LRRC37A2: variants seen among roughly 807,000 people sequenced by gnomAD.
LRRC37A2 encodes leucine-rich repeat-containing protein 37A2.
In LRRC37A2, 9 loss-of-function variants were observed where a neutral mutation model predicts 68.8. The ratio of observed to expected loss-of-function variants is 0.13; its 90% CI spans 0.08 to 0.23. The LOEUF (loss-of-function observed/expected upper bound fraction) is 0.23. Ranked by LOEUF, LRRC37A2 falls within the 10% of genes least tolerant of loss-of-function variation. The pLI is 1.00. For synonymous variants in LRRC37A2, 63 were observed against 367.6 expected (o/e 0.17, Z 9.48); for missense variants, 168 against 950.4 (o/e 0.18, Z 10.82).
the LRRC37A2 span, among the ~76,000 whole-genome samples, chr17:46,843,783 C>T: frequency 6.6e-6 from 1 of 152,196 alleles, no homozygotes; most frequent in Non-Finnish European, 1.5e-5. Context: ...AACTAGTTTA[C>T]ACTTATATAG....
chr17:46,597,786 CT>C, the LRRC37A2 span, among the ~76,000 whole-genome samples: 1 of 118,682 alleles, frequency 8.4e-6, no homozygotes, highest in Non-Finnish European at 1.7e-5. Flanking sequence ...TGTTGCAATA[CT>C]CTTTTTTTTT....
chr17:46,885,037 G>A, the LRRC37A2 span: 3 of 439,076 alleles, frequency 6.8e-6, no homozygotes, highest in Non-Finnish European at 1.4e-5. Flanking sequence ...TGCGCAGGTT[G>A]GAGTGCAGTG....
the LRRC37A2 span, chr17:46,979,084 A>T: frequency 1.1e-5 from 14 of 1,291,506 alleles, no homozygotes; most frequent in African/African-American, 1.6e-5. Flanking sequence ...GCTCTCAGGG[A>T]CGCTCCGGAC....
chr17:46,992,551 TGTA>T, the LRRC37A2 span, among the ~76,000 whole-genome samples: 1 of 152,004 alleles, frequency 6.6e-6, no homozygotes, highest in African/African-American at 2.4e-5. Flanking sequence ...GTGCCACTGT[TGTA>T]GAAGAATATT....
the LRRC37A2 span, among the ~76,000 whole-genome samples, chr17:46,846,793 G>T: frequency 1.3e-5 from 2 of 152,238 alleles, no homozygotes; most frequent in Non-Finnish European, 2.9e-5. Context: ...AGAAGAGGGA[G>T]GGAGGGAGGA....
the LRRC37A2 span, among the ~76,000 whole-genome samples, chr17:46,823,413 A>G: frequency 6.6e-6 from 1 of 150,392 alleles, no homozygotes; most frequent in Non-Finnish European, 1.5e-5. Flanking sequence ...ACAGGGTTTC[A>G]CCGTGTTGGC....
At chr17:46,774,466 C>T in the LRRC37A2 span, among the ~76,000 whole-genome samples, 1 of 152,272 alleles carries the variant, frequency 6.6e-6, no homozygotes, top group Non-Finnish European at 1.5e-5. Flanking sequence ...TGCTGGCTTG[C>T]ACCAAGTCCT....
chr17:46,810,386 G>C, the LRRC37A2 span, among the ~76,000 whole-genome samples: 1 of 152,178 alleles, frequency 6.6e-6, no homozygotes, highest in South Asian at 2.1e-4. Context: ...GTGTCCTCAG[G>C]AAGGAGTCCT....
the LRRC37A2 span, among the ~76,000 whole-genome samples, chr17:46,959,093 T>C: frequency 6.6e-6 from 1 of 152,142 alleles, no homozygotes; most frequent in Non-Finnish European, 1.5e-5. Context: ...TGAGAGTCAG[T>C]ACAAAGACTG....
chr17:46,863,843 C>A, the LRRC37A2 span, among the ~76,000 whole-genome samples: 2 of 152,140 alleles, frequency 1.3e-5, no homozygotes, highest in Non-Finnish European at 2.9e-5. Context: ...CCAAGGGAGC[C>A]GCTCACAACT....
the LRRC37A2 span, among the ~76,000 whole-genome samples, chr17:46,960,424 C>G: frequency 1.3e-5 from 2 of 152,186 alleles, no homozygotes. Context: ...ATGGAACAGC[C>G]ACTATGAAAA....
chr17:46,944,202 G>T, the LRRC37A2 span, among the ~76,000 whole-genome samples: 1 of 152,248 alleles, frequency 6.6e-6, no homozygotes, highest in East Asian at 1.9e-4. Flanking sequence ...TCCAGTGCCA[G>T]TGTTAGCTGT....
the LRRC37A2 span, among the ~76,000 whole-genome samples, chr17:46,456,231 T>TGTGC: frequency 2.6e-5 from 3 of 114,062 alleles, no homozygotes; most frequent in African/African-American, 9.2e-5. Context: ...TGTGTGTGTG[T>TGTGC]GTGTGTGTGT....
At chr17:46,843,809 C>T in the LRRC37A2 span, among the ~76,000 whole-genome samples, 797 of 152,312 alleles carry the variant, frequency 5.2e-3, 13 homozygotes, top group African/African-American at 0.018. Flanking sequence ...TCAGAATGCT[C>T]TCTGTATTTA....
the LRRC37A2 span, among the ~76,000 whole-genome samples, chr17:46,583,994 T>TAA: frequency 7.9e-5 from 1 of 12,726 alleles, no homozygotes; most frequent in African/African-American, 2.1e-4. Flanking sequence ...TATATATATA[T>TAA]AATATATATT....
intron 6 of LRRC37A2, among the ~76,000 whole-genome samples, chr17:46,530,457 G>A (rs531671287): frequency 5.8e-4 from 82 of 141,720 alleles, no homozygotes; most frequent in African/African-American, 2.2e-3. Flanking sequence ...GAATAGGAAA[G>A]AGGAGGGGGA....
At chr17:46,721,656 C>A in the LRRC37A2 span, 8 of 1,601,808 alleles carry the variant, frequency 5.0e-6, no homozygotes, top group Non-Finnish European at 8.5e-7. Context: ...GAAAAAGTTT[C>A]AACCTTGTGT....
the LRRC37A2 span, among the ~76,000 whole-genome samples, chr17:46,601,741 A>G: frequency 6.6e-6 from 1 of 150,432 alleles, no homozygotes; most frequent in Non-Finnish European, 1.5e-5. Context: ...ATTTGCATCA[A>G]TAACACTGTT....
At chr17:46,497,328 TTTTATTA>T in the LRRC37A2 span, among the ~76,000 whole-genome samples, 6 of 148,898 alleles carry the variant, frequency 4.0e-5, no homozygotes, top group African/African-American at 1.3e-4. Flanking sequence ...TAGGTTTCCT[TTTTATTA>T]TTTGTTTTCT....
Sources: allele counts gnomAD v4.1 joint callset (sites outside exome capture counted in the v4.1 genomes callset), GRCh38; gene constraint gnomAD v4.1.1; transcripts MANE v1.5; gene names NCBI Gene and HGNC (gene_info 2026-07-23, HGNC 2026-07-21).